The following XKR4 variants were observed in gnomAD, a reference collection of about 807,000 sequenced individuals.
XKR4 encodes XK-related protein 4.
Under a neutral mutation model 53.9 loss-of-function variants are expected in XKR4, and 12 were observed. The ratio of observed to expected loss-of-function variants is 0.22; its 90% CI spans 0.14 to 0.36. The LOEUF (loss-of-function observed/expected upper bound fraction) is 0.36. Among genes scored for constraint, XKR4 ranks in the 10% least tolerant of loss-of-function variants. The pLI is 1.00. For missense variants in XKR4, 799 were observed against 859.5 expected, an observed-to-expected ratio of 0.93 and a Z score of 0.88; for synonymous variants, 354 against 362.4, an observed-to-expected ratio of 0.98 and a Z score of 0.26.
intron 1 of XKR4, among the ~76,000 whole-genome samples, chr8:55,183,197 ATCTT>A (rs1401013831): frequency 6.6e-6 from 1 of 151,646 alleles, no homozygotes; most frequent in Non-Finnish European, 1.5e-5. Flanking sequence ...AAAAATACAT[ATCTT>A]TCTATTTTCA....
At chr8:55,170,433 A>G (rs1459446874) in intron 1 of XKR4, among the ~76,000 whole-genome samples, 1 of 152,158 alleles carries the variant, frequency 6.6e-6, no homozygotes, top group Non-Finnish European at 1.5e-5. Context: ...GACATGAGCC[A>G]AGGAATGTGG....
intron 1 of XKR4, among the ~76,000 whole-genome samples, chr8:55,114,368 T>C (rs1816276575): frequency 1.3e-5 from 2 of 152,226 alleles, no homozygotes; most frequent in South Asian, 4.1e-4. Context: ...GCTGCTTATA[T>C]ATCTTCTTTT....
At chr8:55,329,067 C>T (rs1803343958) in intron 1 of XKR4, among the ~76,000 whole-genome samples, 2 of 152,144 alleles carry the variant, frequency 1.3e-5, no homozygotes, top group South Asian at 4.1e-4. Context: ...AGTGAATATG[C>T]ATTGAATCTT....
At chr8:55,117,623 C>A (rs764263894) in intron 1 of XKR4, among the ~76,000 whole-genome samples, 3 of 152,138 alleles carry the variant, frequency 2.0e-5, no homozygotes, top group Non-Finnish European at 4.4e-5. Context: ...TGAGGATGAA[C>A]CAGCTGAGGT....
chr8:55,344,941 C>A, intron 1 of XKR4, among the ~76,000 whole-genome samples: 1 of 152,254 alleles, frequency 6.6e-6, no homozygotes, highest in East Asian at 1.9e-4. Flanking sequence ...ATAGATAAAT[C>A]TTGTTTTCAC....
At position 55,214,724 on chromosome 8, in the gene XKR4, CA is replaced by C. The variant is rs749399305; in HGVS notation, c.806+111433del. 8.5e-5 allele frequency among the ~76,000 whole-genome samples: 13 copies of C among 152,260 alleles called. 1 individual carries two copies. The South Asian group carries it at 2.1e-3, about 24-fold the overall frequency. ...GGAGTGGGCAGGGTTGCACTGACCC[CA>C]AAGTCCCCTGTTTACCTGTGGGTAC... On this transcript the variant is annotated intron_variant, in intron 1 of 2. Transcript: ENST00000327381.
intron 2 of XKR4, chr8:55,517,350 C>T (rs1477512819): frequency 6.6e-6 from 1 of 151,624 alleles, no homozygotes; most frequent in African/African-American, 2.4e-5. Flanking sequence ...AATAGGCAAG[C>T]AGAGAGACAG....
chr8:55,481,711 C>A (rs1172505346), intron 2 of XKR4, among the ~76,000 whole-genome samples: 1 of 151,950 alleles, frequency 6.6e-6, no homozygotes, highest in African/African-American at 2.4e-5. Context: ...AAAAAACAAA[C>A]AACCCCATCA....
intron 2 of XKR4, among the ~76,000 whole-genome samples, chr8:55,495,055 G>C (rs1328525323): frequency 6.6e-6 from 1 of 152,142 alleles, no homozygotes; most frequent in Non-Finnish European, 1.5e-5. Flanking sequence ...TACCTGCTTG[G>C]CCTCCCTCCC....
chr8:55,403,658 A>G lies in XKR4; in HGVS notation c.1006+45781A>G, dbSNP rs115370140. Among the ~76,000 whole-genome samples, 1,466 of 152,324 alleles carry G rather than the reference A, an allele frequency of 9.6e-3. 25 individuals carry two copies. The highest frequency in any genetic ancestry group is 0.033 in the African/African-American group (1,356 of 41,550). On this transcript the variant is annotated intron_variant, in intron 2 of 2. Coordinates refer to ENST00000327381, the MANE Select transcript of XKR4 (RefSeq NM_052898.2). ...ACTGTAAGCAAGGCTGGGGAAAGCA[A>G]GATGCCTGTCGATACAGTTTAACCT... is the stretch of plus-strand genomic sequence containing the variant.
At chr8:55,449,235 G>T (rs761939562) in intron 2 of XKR4, among the ~76,000 whole-genome samples, 1 of 151,424 alleles carries the variant, frequency 6.6e-6, no homozygotes, top group African/African-American at 2.4e-5. Flanking sequence ...GAAACAATTC[G>T]CCTGCAGCCA....
At chr8:55,270,750 C>T (rs920604961) in intron 1 of XKR4, among the ~76,000 whole-genome samples, 35 of 152,198 alleles carry the variant, frequency 2.3e-4, no homozygotes, top group African/African-American at 7.7e-4. Flanking sequence ...TCACAGGTAG[C>T]AGAGGTGCTC....
intron 2 of XKR4, among the ~76,000 whole-genome samples, chr8:55,447,969 C>G (rs372700333): frequency 2.2e-4 from 34 of 152,130 alleles, no homozygotes; most frequent in African/African-American, 8.0e-4. Flanking sequence ...TGTCAGTTGG[C>G]GAGTGAATGA....
At chr8:55,451,716 G>T in intron 2 of XKR4, 1 of 1,293,238 alleles carries the variant, frequency 7.7e-7, no homozygotes, top group Non-Finnish European at 1.1e-6. Context: ...GCATGCGGTT[G>T]ACCAGAGAAA....
At chr8:55,147,352 G>A (rs1003044977) in intron 1 of XKR4, among the ~76,000 whole-genome samples, 1 of 152,216 alleles carries the variant, frequency 6.6e-6, no homozygotes, top group Admixed American at 6.5e-5. Flanking sequence ...CCACTTAGGT[G>A]GACCAGCCTC....
intron 2 of XKR4, among the ~76,000 whole-genome samples, chr8:55,409,735 T>C (rs1804747751): frequency 6.6e-6 from 1 of 152,092 alleles, no homozygotes; most frequent in Non-Finnish European, 1.5e-5. Flanking sequence ...ATACATGGCA[T>C]AAACACTGAA....
At chr8:55,313,057 T>C in intron 1 of XKR4, among the ~76,000 whole-genome samples, 1 of 152,234 alleles carries the variant, frequency 6.6e-6, no homozygotes, top group Non-Finnish European at 1.5e-5. Context: ...AGCATTTTAA[T>C]TGCTGTTTTA....
intron 1 of XKR4, among the ~76,000 whole-genome samples, chr8:55,118,757 A>G (rs1238616381): frequency 3.9e-5 from 6 of 152,206 alleles, no homozygotes; most frequent in African/African-American, 1.4e-4. Context: ...ATTTCTTTGT[A>G]GCATTCCATG....
Position 55,524,559 on chromosome 8 carries a change from T to C in XKR4, c.*332T>C. On this transcript the variant is annotated 3_prime_UTR_variant, in exon 3 of 3. Transcript: ENST00000327381. ...TTTGCCTCCAATCATTAGGGTGTCT[T>C]GATGGCGTTAACTGATCTTTCCATA... 1 of 298,240 alleles carries C rather than the reference T, an allele frequency of 3.4e-6. No homozygotes were observed. The highest frequency in any genetic ancestry group is 2.1e-5 in the African/African-American group (1 of 47,186). The allele number at this position is 298,240 out of a possible 1,614,324, so 18.5% of individuals were successfully genotyped here.
Sources: gnomAD v4.1 joint callset for allele counts (sites outside exome capture counted in the v4.1 genomes callset) on GRCh38, gnomAD v4.1.1 for gene constraint, MANE v1.5 for transcripts, NCBI Gene and HGNC (gene_info 2026-07-23, HGNC 2026-07-21) for gene names.